The following GSK3B variants were observed in gnomAD, a reference collection of about 807,000 sequenced individuals.
GSK3B encodes glycogen synthase kinase-3 beta.
In GSK3B, 15 loss-of-function variants were observed where a neutral mutation model predicts 56.4. The ratio of observed to expected loss-of-function variants is 0.27; its 90% CI spans 0.18 to 0.41. GSK3B has a LOEUF of 0.41. GSK3B is among the 10% of genes least tolerant of loss of function. The probability of loss-of-function intolerance (pLI) is 1.00; values close to 1 mark genes in which losing one functional copy is unlikely to be tolerated. For synonymous variants in GSK3B, 181 were observed against 188.9 expected (o/e 0.96, Z 0.34); for missense variants, 300 against 513.4 (o/e 0.58, Z 4.02).
chr3:119,988,396 ACTAT>A (rs1403084765), intron 2 of GSK3B, among the ~76,000 whole-genome samples: 1 of 152,234 alleles, frequency 6.6e-6, no homozygotes, highest in South Asian at 2.1e-4. Context: ...TAATTTTGAA[ACTAT>A]CTGTGAGTAT....
At chr3:120,039,129 A>G (rs2058045872) in intron 1 of GSK3B, among the ~76,000 whole-genome samples, 1 of 152,262 alleles carries the variant, frequency 6.6e-6, no homozygotes, top group Non-Finnish European at 1.5e-5. Flanking sequence ...GTAAATTAAA[A>G]CAATGCCATA....
At chr3:119,970,613 T>TAAAA (rs1170925404) in intron 2 of GSK3B, among the ~76,000 whole-genome samples, 1 of 114,284 alleles carries the variant, frequency 8.8e-6, no homozygotes, top group Non-Finnish European at 1.8e-5. Flanking sequence ...CTACTAAAAT[T>TAAAA]AAAAAAAAAA....
chr3:120,042,573 T>C (rs1361810811), intron 1 of GSK3B, among the ~76,000 whole-genome samples: 1 of 152,222 alleles, frequency 6.6e-6, no homozygotes, highest in Non-Finnish European at 1.5e-5. Context: ...AAAATACTTA[T>C]TAATGACAAT....
At chr3:119,852,771 G>T (rs572849822) in intron 9 of GSK3B, among the ~76,000 whole-genome samples, 19 of 152,058 alleles carry the variant, frequency 1.2e-4, no homozygotes, top group Non-Finnish European at 2.5e-4. Flanking sequence ...TTTTGATGGG[G>T]TTGATTTTTT....
chr3:119,981,421 T>A (rs1458133471), intron 2 of GSK3B, among the ~76,000 whole-genome samples: 1 of 151,762 alleles, frequency 6.6e-6, no homozygotes, highest in Non-Finnish European at 1.5e-5. Flanking sequence ...GCGCAAGGAG[T>A]CGGGGGTTTC....
intron 3 of GSK3B, among the ~76,000 whole-genome samples, chr3:119,945,068 A>T (rs145740566): frequency 7.2e-4 from 109 of 152,354 alleles, no homozygotes; most frequent in Admixed American, 1.6e-3. Flanking sequence ...AGGATATCTT[A>T]GTCCTGCCAG....
At chr3:119,995,734 A>G (rs896215955) in intron 2 of GSK3B, among the ~76,000 whole-genome samples, 2 of 139,214 alleles carry the variant, frequency 1.4e-5, no homozygotes, top group South Asian at 4.7e-4. Flanking sequence ...TAAGCCTGAA[A>G]TAATTTTTTT....
intron 10 of GSK3B, among the ~76,000 whole-genome samples, chr3:119,842,011 A>T (rs2055778085): frequency 6.6e-6 from 1 of 152,154 alleles, no homozygotes; most frequent in African/African-American, 2.4e-5. Context: ...GCAAAAATGG[A>T]TCTGATCCAA....
At chr3:119,858,831 G>A (rs911150208) in intron 9 of GSK3B, among the ~76,000 whole-genome samples, 2 of 152,188 alleles carry the variant, frequency 1.3e-5, no homozygotes, top group Admixed American at 1.3e-4. Context: ...GTTATTAAAT[G>A]GCCTAATTTC....
intron 2 of GSK3B, among the ~76,000 whole-genome samples, chr3:119,976,414 A>G (rs2057408834): frequency 6.6e-6 from 1 of 152,216 alleles, no homozygotes; most frequent in Non-Finnish European, 1.5e-5. Flanking sequence ...AAGTACTGAG[A>G]CATGCTACAA....
rs1044919910 is a variant in GSK3B, at chr3:119,984,493, G to A, written c.282+17553C>T. ...CAAGATTAATAAAGAAGAAAAGAGAGAAGAATCAAATATACGCAATAAAAA... is the reference window on the plus strand; with the variant it reads ...CAAGATTAATAAAGAAGAAAAGAGAAAAGAATCAAATATACGCAATAAAAA... On this transcript the variant is annotated intron_variant, in intron 2 of 10. Coordinates refer to ENST00000264235, the MANE Select transcript of GSK3B (RefSeq NM_001146156.2). Among the ~76,000 whole-genome samples, 32 of 151,518 alleles carry A rather than the reference G, an allele frequency of 2.1e-4. 1 individual carries two copies. The highest frequency in any genetic ancestry group is 7.5e-4 in the African/African-American group (31 of 41,396).
At chr3:120,001,987 T>C (rs1237715747) in intron 2 of GSK3B, 59 bp downstream of exon 2, 5 of 1,075,120 alleles carry the variant, frequency 4.7e-6, no homozygotes, top group African/African-American at 1.6e-5. Flanking sequence ...AAAAAAATAA[T>C]CATTTATGGT....
chr3:119,978,824 G>C (rs2057433823), intron 2 of GSK3B, among the ~76,000 whole-genome samples: 1 of 152,170 alleles, frequency 6.6e-6, no homozygotes, highest in African/African-American at 2.4e-5. Context: ...GAAAAGTCAG[G>C]TCAGCCATCC....
At chr3:120,021,345 A>T (rs2057875367) in intron 1 of GSK3B, among the ~76,000 whole-genome samples, 1 of 151,432 alleles carries the variant, frequency 6.6e-6, no homozygotes, top group Non-Finnish European at 1.5e-5. Context: ...CTCTACTAAA[A>T]ATACAAAAAA....
intron 3 of GSK3B, among the ~76,000 whole-genome samples, chr3:119,936,355 T>TATATA (rs369231645): frequency 8.8e-5 from 4 of 45,258 alleles, no homozygotes; most frequent in South Asian, 7.6e-4. Context: ...TATATATATA[T>TATATA]TTTTTTTTTG....
At chr3:119,931,178 G>T (rs897982178) in intron 3 of GSK3B, among the ~76,000 whole-genome samples, 1 of 152,206 alleles carries the variant, frequency 6.6e-6, no homozygotes, top group African/African-American at 2.4e-5. Context: ...GGCTAAAGAT[G>T]CTAATATTTT....
At chr3:119,850,090 T>A (rs2055907753) in intron 9 of GSK3B, among the ~76,000 whole-genome samples, 2 of 152,108 alleles carry the variant, frequency 1.3e-5, no homozygotes, top group Admixed American at 1.3e-4. Context: ...GACTGTCATT[T>A]TGGCCTTAGA....
intron 10 of GSK3B, among the ~76,000 whole-genome samples, chr3:119,829,022 A>C (rs2055560593): frequency 1.3e-5 from 2 of 152,042 alleles, no homozygotes; most frequent in African/African-American, 4.8e-5. Context: ...CACAGAACCT[A>C]CTCTCCAAAG....
At chr3:120,045,451 G>A (rs998383412) in intron 1 of GSK3B, among the ~76,000 whole-genome samples, 9 of 151,458 alleles carry the variant, frequency 5.9e-5, no homozygotes, top group Non-Finnish European at 7.4e-5. Context: ...TCCACCCTTC[G>A]AAACCACACA....
Sources: gnomAD v4.1 joint callset for allele counts (sites outside exome capture counted in the v4.1 genomes callset) on GRCh38, gnomAD v4.1.1 for gene constraint, MANE v1.5 for transcripts, NCBI Gene and HGNC (gene_info 2026-07-23, HGNC 2026-07-21) for gene names.